Variants in KCTD16 observed in about 807,000 individuals in gnomAD.
KCTD16 encodes the protein potassium channel tetramerization domain containing 16.
KCTD16 carries 13 observed loss-of-function variants against 33.2 expected under a neutral mutation model. That is an observed-to-expected ratio of 0.39 (90% CI 0.25 to 0.62). KCTD16 has a LOEUF of 0.62. Ranked by LOEUF, KCTD16 falls within the 20% of genes least tolerant of loss-of-function variation. KCTD16 has a pLI of 0.50. For missense variants in KCTD16, 441 were observed against 525.1 expected (o/e 0.84, Z 1.57); for synonymous variants, 197 against 195.3 (o/e 1.01, Z -0.07).
chr5:144,344,450 A>C (rs547185325), intron 3 of KCTD16, among the ~76,000 whole-genome samples: 1 of 149,570 alleles, frequency 6.7e-6, no homozygotes, highest in Non-Finnish European at 1.5e-5. Flanking sequence ...TTCGCAACCT[A>C]CTCATCTGAC....
At chr5:144,179,466 G>A (rs1348303421) in intron 2 of KCTD16, among the ~76,000 whole-genome samples, 2 of 152,168 alleles carry the variant, frequency 1.3e-5, no homozygotes, top group South Asian at 2.1e-4. Context: ...CATGCGTGCA[G>A]GCTCCTCTCT....
intron 3 of KCTD16, among the ~76,000 whole-genome samples, chr5:144,221,381 T>C (rs925711468): frequency 4.6e-5 from 7 of 152,168 alleles, no homozygotes; most frequent in African/African-American, 1.7e-4. Flanking sequence ...TCCCATCACC[T>C]ACATTAGGTA....
At chr5:144,306,626 G>T (rs1751608994) in intron 3 of KCTD16, among the ~76,000 whole-genome samples, 1 of 152,168 alleles carries the variant, frequency 6.6e-6, no homozygotes, top group South Asian at 2.1e-4. Flanking sequence ...GGCCTCATTG[G>T]CTCGCATTAC....
At chr5:144,425,622 C>A (rs1753309796) in intron 3 of KCTD16, among the ~76,000 whole-genome samples, 1 of 151,998 alleles carries the variant, frequency 6.6e-6, no homozygotes, top group Non-Finnish European at 1.5e-5. Context: ...GAAGAATTAG[C>A]ACCACATGGA....
At chr5:144,453,795 C>T (rs999071575) in intron 3 of KCTD16, among the ~76,000 whole-genome samples, 5 of 152,002 alleles carry the variant, frequency 3.3e-5, no homozygotes, top group African/African-American at 1.2e-4. Flanking sequence ...GTTCTAATAT[C>T]GTATCTTATA....
chr5:144,410,242 C>G (rs902468108), intron 3 of KCTD16, among the ~76,000 whole-genome samples: 1 of 152,114 alleles, frequency 6.6e-6, no homozygotes, highest in East Asian at 1.9e-4. Flanking sequence ...AAGCAGGAGG[C>G]CTTGATTAGT....
At position 144,256,615 on chromosome 5, in the gene KCTD16, TTG is replaced by T. The variant is rs1247572498; in HGVS notation, c.832+49071_832+49072del. On this transcript the variant is annotated intron_variant, in intron 3 of 3. Transcript: ENST00000512467. ...CCAGAAAGTCCCCAAGGAGTTTTTT[TTG>T]TTTTTTTTTTTTTAATGTTACAGTC... Among the ~76,000 whole-genome samples, 102 of 141,416 alleles carry T rather than the reference TTG, an allele frequency of 7.2e-4. 5 individuals are homozygous for T. Among genetic ancestry groups the T allele is most frequent in the Middle Eastern group, 3.7e-3 (1 of 272 alleles). 92.8% of individuals were successfully genotyped at this position (141,416 alleles called of 152,430 possible).
chr5:144,282,172 G>T (rs932312849), intron 3 of KCTD16, among the ~76,000 whole-genome samples: 3 of 152,130 alleles, frequency 2.0e-5, no homozygotes, highest in Non-Finnish European at 4.4e-5. Flanking sequence ...GAAGTAGAAA[G>T]GATCTGAAGG....
chr5:144,338,846 A>C (rs567009397), intron 3 of KCTD16, among the ~76,000 whole-genome samples: 4 of 152,312 alleles, frequency 2.6e-5, no homozygotes, highest in African/African-American at 9.6e-5. Flanking sequence ...GATTCATTGC[A>C]GTTATTCAGA....
At position 144,228,844 on chromosome 5, in the gene KCTD16, A is replaced by G. The variant is rs114937234; in HGVS notation, c.832+21298A>G. ...GATATGTAGCCGATACAGTACATAT[A>G]GTAATATGTACATATAGTACCTACG... On this transcript the variant is annotated intron_variant, in intron 3 of 3. Transcript: ENST00000512467. Among the ~76,000 whole-genome samples the G allele has an allele frequency of 6.6e-3, 999 of 152,350 alleles. 9 individuals are homozygous for G. The highest frequency in any genetic ancestry group is 0.023 in the African/African-American group (946 of 41,584).
intron 3 of KCTD16, among the ~76,000 whole-genome samples, chr5:144,414,705 C>T (rs1469628783): frequency 6.6e-6 from 1 of 152,204 alleles, no homozygotes; most frequent in Non-Finnish European, 1.5e-5. Context: ...TTTTGCTGAT[C>T]AGCATCTACT....
At chr5:144,346,156 G>A (rs1480925052) in intron 3 of KCTD16, among the ~76,000 whole-genome samples, 1 of 151,994 alleles carries the variant, frequency 6.6e-6, no homozygotes, top group Non-Finnish European at 1.5e-5. Flanking sequence ...ATGCTCCCCA[G>A]TTCCATCCAT....
chr5:144,353,750 G>A (rs2126909949), intron 3 of KCTD16, among the ~76,000 whole-genome samples: 1 of 152,224 alleles, frequency 6.6e-6, no homozygotes. Flanking sequence ...ATTATACTGA[G>A]TGACATGCAA....
At chr5:144,440,905 A>G (rs1391324076) in intron 3 of KCTD16, among the ~76,000 whole-genome samples, 1 of 106,306 alleles carries the variant, frequency 9.4e-6, no homozygotes, top group Non-Finnish European at 2.0e-5. Context: ...CCACCCCACA[A>G]CAGTCCCCGG....
At chr5:144,374,750 T>G (rs1272081584) in intron 3 of KCTD16, among the ~76,000 whole-genome samples, 1 of 149,830 alleles carries the variant, frequency 6.7e-6, no homozygotes, top group Non-Finnish European at 1.5e-5. Context: ...AAATGGCTAC[T>G]TTTTTTTTTC....
intron 3 of KCTD16, among the ~76,000 whole-genome samples, chr5:144,463,461 C>CTG (rs35596521): frequency 0.44 from 66,104 of 151,886 alleles, 14,694 homozygotes; most frequent in East Asian, 0.67. Flanking sequence ...TGTCATCATG[C>CTG]TGTGGACAAA....
chr5:144,209,906 A>ATG (rs1168743921), intron 3 of KCTD16, among the ~76,000 whole-genome samples: 9 of 140,298 alleles, frequency 6.4e-5, no homozygotes, highest in African/African-American at 1.4e-4. Flanking sequence ...GTGTATATAT[A>ATG]TGTATATATA....
At chr5:144,391,706 C>G (rs1198201677) in intron 3 of KCTD16, among the ~76,000 whole-genome samples, 7 of 152,104 alleles carry the variant, frequency 4.6e-5, no homozygotes, top group South Asian at 2.1e-4. Flanking sequence ...TTTGAAGGAC[C>G]ATTTGCAATA....
chr5:144,231,783 G>T (rs558694083), intron 3 of KCTD16, among the ~76,000 whole-genome samples: 1 of 152,084 alleles, frequency 6.6e-6, no homozygotes, highest in Non-Finnish European at 1.5e-5. Flanking sequence ...GGATGTGTTT[G>T]GTTTCCCCTT....
Sources: gnomAD v4.1 joint callset for allele counts (sites outside exome capture counted in the v4.1 genomes callset) on GRCh38, gnomAD v4.1.1 for gene constraint, MANE v1.5 for transcripts, NCBI Gene and HGNC (gene_info 2026-07-23, HGNC 2026-07-21) for gene names.